Variants in TYW1B observed in about 807,000 individuals in gnomAD.
The protein encoded by TYW1B is tRNA-yW synthesizing protein 1 homolog B.
In TYW1B, 73 loss-of-function variants were observed where a neutral mutation model predicts 86.9. The observed-to-expected ratio is 0.84, with a 90% confidence interval of 0.70 to 1.02. The LOEUF (loss-of-function observed/expected upper bound fraction) is 1.02. Among genes scored for constraint, TYW1B ranks in the 50% least tolerant of loss-of-function variants. The probability of loss-of-function intolerance (pLI) is 0.00; values close to 1 mark genes in which losing one functional copy is unlikely to be tolerated. For synonymous variants in TYW1B, 248 were observed against 292.8 expected, an observed-to-expected ratio of 0.85 and a Z score of 1.56; for missense variants, 637 against 827.4, an observed-to-expected ratio of 0.77 and a Z score of 2.82.
chr7:72,661,784 T>C lies in TYW1B; in HGVS notation c.1507-32787A>G, dbSNP rs2844183. ...GTGTTTGATAATGAAATGACTGTAT[T>C]CAAACTGCACCTCCACTAAGAGATG... On this transcript the variant is annotated intron_variant, in intron 11 of 13. Coordinates refer to ENST00000620995, the MANE Select transcript of TYW1B (RefSeq NM_001145440.3). 3.8e-3 allele frequency among the ~76,000 whole-genome samples: 556 copies of C among 147,806 alleles called. 5 individuals are homozygous for C. The highest frequency in any genetic ancestry group is 9.9e-3 in the African/African-American group (395 of 39,728).
chr7:72,792,371 A>C (rs1222503680), intron 6 of TYW1B, among the ~76,000 whole-genome samples: 1 of 152,124 alleles, frequency 6.6e-6, no homozygotes, highest in African/African-American at 2.4e-5. Flanking sequence ...GAAAAAAGAA[A>C]GAAAAAATGC....
chr7:72,635,603 C>T (rs557643888), intron 11 of TYW1B, among the ~76,000 whole-genome samples: 1 of 152,292 alleles, frequency 6.6e-6, no homozygotes, highest in African/African-American at 2.4e-5. Context: ...TCTCTTATGT[C>T]GTCCTTCTGA....
In TYW1B at chr7:72,616,896, A is replaced by G. The variant is rs191981877; in HGVS notation, c.1618-57T>C. 1,196 of 1,596,344 alleles carry G rather than the reference A, an allele frequency of 7.5e-4. 2 individuals carry two copies. The highest frequency in any genetic ancestry group is 8.4e-4 in the Non-Finnish European group (986 of 1,168,630). ...TACAGACCTACCTGCATGTCATAGA[A>G]GACTTTCAGAGCCGGAAAGCCTTCT... On this transcript the variant is annotated intron_variant, in intron 12 of 13. Coordinates refer to ENST00000620995, the MANE Select transcript of TYW1B (RefSeq NM_001145440.3).
intron 11 of TYW1B, among the ~76,000 whole-genome samples, chr7:72,647,160 G>A (rs1352824556): frequency 6.6e-6 from 1 of 151,628 alleles, no homozygotes; most frequent in East Asian, 1.9e-4. Context: ...TACTATTTGG[G>A]CTTATCAAAT....
intron 9 of TYW1B, among the ~76,000 whole-genome samples, chr7:72,719,713 C>A (rs1554456956): frequency 6.6e-6 from 1 of 150,910 alleles, no homozygotes; most frequent in African/African-American, 2.4e-5. Flanking sequence ...TGTGGGGTGC[C>A]AAGAGGAAAA....
At chr7:72,653,246 T>C (rs1169731759) in intron 11 of TYW1B, among the ~76,000 whole-genome samples, 1 of 151,966 alleles carries the variant, frequency 6.6e-6, no homozygotes, top group Non-Finnish European at 1.5e-5. Flanking sequence ...AAAATAAAAT[T>C]ACATTAACAA....
Position 72,710,339 on chromosome 7 carries a change from C to A in TYW1B, c.1370+3282G>T, listed in dbSNP as rs551295746. ...CATGTGAAAATTCAGGAATTTAAAA[C>A]CCAACTAAAGTTTAAAAACAGAAAT... On this transcript the variant is annotated intron_variant, in intron 10 of 13. Transcript: ENST00000620995. 1.2e-4 allele frequency among the ~76,000 whole-genome samples: 19 copies of A among 152,212 alleles called. No individual in the cohort carries two copies. In the East Asian group the frequency reaches 3.7e-3, roughly 29 times the overall value.
At chr7:72,633,688 G>A (rs1426566141) in intron 11 of TYW1B, among the ~76,000 whole-genome samples, 4 of 151,872 alleles carry the variant, frequency 2.6e-5, no homozygotes, top group Admixed American at 6.6e-5. Context: ...TTTGTGTTTG[G>A]TGTCTATCAC....
intron 5 of TYW1B, among the ~76,000 whole-genome samples, chr7:72,805,118 C>T (rs1320564751): frequency 1.3e-5 from 2 of 151,660 alleles, no homozygotes; most frequent in Non-Finnish European, 2.9e-5. Flanking sequence ...TCCTCTGGTC[C>T]TCACAAAGAT....
intron 9 of TYW1B, among the ~76,000 whole-genome samples, chr7:72,719,841 C>T (rs1199282210): frequency 7.2e-5 from 11 of 151,936 alleles, no homozygotes; most frequent in African/African-American, 1.9e-4. Context: ...GCATTCCAGT[C>T]GGAGGAAAGA....
At chr7:72,667,823 A>C (rs1554445610) in intron 11 of TYW1B, among the ~76,000 whole-genome samples, 1 of 152,242 alleles carries the variant, frequency 6.6e-6, no homozygotes, top group South Asian at 2.1e-4. Flanking sequence ...TATACTCTTC[A>C]GGCAATCTGA....
intron 8 of TYW1B, among the ~76,000 whole-genome samples, chr7:72,736,817 T>C (rs1421825584): frequency 6.6e-6 from 1 of 152,242 alleles, no homozygotes; most frequent in Non-Finnish European, 1.5e-5. Context: ...TAATTTCTTT[T>C]TATTGACAGA....
chr7:72,648,594 A>T (rs185340929), intron 11 of TYW1B, among the ~76,000 whole-genome samples: 1 of 152,098 alleles, frequency 6.6e-6, no homozygotes, highest in Non-Finnish European at 1.5e-5. Context: ...GAAATTTGGT[A>T]GAGAGTAGAA....
chr7:72,706,284 G>A (rs1435966320), intron 10 of TYW1B, among the ~76,000 whole-genome samples: 3 of 151,796 alleles, frequency 2.0e-5, no homozygotes, highest in Admixed American at 6.6e-5. Flanking sequence ...AAAATTAGCC[G>A]GGTGTGGTGG....
intron 8 of TYW1B, among the ~76,000 whole-genome samples, chr7:72,731,551 AC>A (rs1367447201): frequency 6.6e-6 from 1 of 152,188 alleles, no homozygotes; most frequent in Non-Finnish European, 1.5e-5. Flanking sequence ...TTAAAAAAAA[AC>A]ACCCAACTAT....
At chr7:72,732,622 C>T (rs1347141484) in intron 8 of TYW1B, among the ~76,000 whole-genome samples, 1 of 152,058 alleles carries the variant, frequency 6.6e-6, no homozygotes, top group African/African-American at 2.4e-5. Context: ...GCAGTACTAA[C>T]AGGGAAGTTT....
At chr7:72,650,870 A>C (rs1813040099) in intron 11 of TYW1B, among the ~76,000 whole-genome samples, 2 of 152,222 alleles carry the variant, frequency 1.3e-5, no homozygotes, top group Admixed American at 6.5e-5. Flanking sequence ...TTTTAAAATA[A>C]ATGGAAGACA....
At chr7:72,768,489 C>T (rs1386408821) in intron 7 of TYW1B, among the ~76,000 whole-genome samples, 2 of 152,006 alleles carry the variant, frequency 1.3e-5, no homozygotes, top group African/African-American at 4.8e-5. Flanking sequence ...AAACGACAGA[C>T]AAAAATCAAA....
intron 11 of TYW1B, among the ~76,000 whole-genome samples, chr7:72,652,952 A>G (rs1281130233): frequency 3.3e-5 from 5 of 152,324 alleles, no homozygotes; most frequent in Non-Finnish European, 4.4e-5. Context: ...TTGCAGTGCT[A>G]TTTAATAGTA....
Sources: gnomAD v4.1 joint callset for allele counts (sites outside exome capture counted in the v4.1 genomes callset) on GRCh38, gnomAD v4.1.1 for gene constraint, MANE v1.5 for transcripts, NCBI Gene and HGNC (gene_info 2026-07-23, HGNC 2026-07-21) for gene names.